Variants in OPHN1 observed in about 807,000 individuals in gnomAD.
OPHN1 encodes oligophrenin-1.
A neutral mutation model predicts 60.7 loss-of-function variants in OPHN1; 11 were observed. That is an observed-to-expected ratio of 0.18 (90% CI 0.11 to 0.30). The LOEUF is 0.30. Ranked by LOEUF, OPHN1 falls within the 10% of genes least tolerant of loss-of-function variation. The pLI is 1.00. For synonymous variants in OPHN1, 226 were observed against 222.6 expected (o/e 1.02, Z -0.14); for missense variants, 449 against 611.0 (o/e 0.73, Z 2.80).
chrX:68,132,843 C>G (rs1192545657), intron 15 of OPHN1: 75 of 260,201 alleles, frequency 2.9e-4, no homozygotes, highest in Non-Finnish European at 7.5e-5. Context: ...AGTCCGCTCC[C>G]GGTCCCTGGC....
At chrX:68,127,459 G>A (rs767724229) in intron 15 of OPHN1, among the ~76,000 whole-genome samples, 1 of 111,770 alleles carries the variant, frequency 8.9e-6, no homozygotes, top group African/African-American at 3.3e-5. Context: ...ATAATGAACA[G>A]GTTGACAGAG....
chrX:68,095,525 G>C (rs2077035195), intron 19 of OPHN1, among the ~76,000 whole-genome samples: 1 of 112,099 alleles, frequency 8.9e-6, no homozygotes, highest in African/African-American at 3.2e-5. Context: ...CTCCCTGGAT[G>C]TCTTTCACAA....
intron 21 of OPHN1, among the ~76,000 whole-genome samples, chrX:68,059,692 G>C (rs1192081041): frequency 9.0e-6 from 1 of 111,511 alleles, no homozygotes; most frequent in Non-Finnish European, 1.9e-5. Context: ...AGAATTAATG[G>C]CTCTGTGACT....
intron 5 of OPHN1, among the ~76,000 whole-genome samples, chrX:68,267,860 C>T (rs1411250837): frequency 4.5e-5 from 5 of 111,316 alleles, no homozygotes; most frequent in Admixed American, 9.6e-5. Context: ...ATATCACCAC[C>T]GATCCCACAG....
chrX:68,320,489 T>C (rs2078230347), intron 2 of OPHN1, among the ~76,000 whole-genome samples: 1 of 111,655 alleles, frequency 9.0e-6, no homozygotes, highest in Non-Finnish European at 1.9e-5. Flanking sequence ...GTTGCAAATG[T>C]AAAATTGTGA....
At chrX:68,230,662 G>A (rs1275244754) in intron 6 of OPHN1, among the ~76,000 whole-genome samples, 2 of 106,603 alleles carry the variant, frequency 1.9e-5, no homozygotes, top group African/African-American at 6.9e-5. Flanking sequence ...ACTATCGCAA[G>A]GACAGAAAAC....
chrX:68,379,296 C>T (rs755870262), intron 2 of OPHN1, among the ~76,000 whole-genome samples: 15 of 111,974 alleles, frequency 1.3e-4, no homozygotes, highest in African/African-American at 4.9e-4. Context: ...TGAGACTTTG[C>T]TGAAGTTGCC....
intron 2 of OPHN1, among the ~76,000 whole-genome samples, chrX:68,333,590 G>A (rs1047230275): frequency 9.1e-6 from 1 of 110,443 alleles, no homozygotes; most frequent in Admixed American, 9.8e-5. Flanking sequence ...AGCTGAAATC[G>A]CACTATTGCA....
At chrX:68,269,207 A>T (rs1242713178) in intron 5 of OPHN1, among the ~76,000 whole-genome samples, 4 of 111,811 alleles carry the variant, frequency 3.6e-5, no homozygotes, top group South Asian at 7.6e-4. Flanking sequence ...AAGCTACCAA[A>T]GACTTTCTTC....
intron 23 of OPHN1, among the ~76,000 whole-genome samples, chrX:68,052,245 G>A (rs760626342): frequency 4.7e-4 from 50 of 105,604 alleles, no homozygotes; most frequent in African/African-American, 1.7e-3. Flanking sequence ...AGCCAAGATC[G>A]TGCCACTGCA....
chrX:68,348,005 G>A (rs964110231), intron 2 of OPHN1, among the ~76,000 whole-genome samples: 10 of 111,885 alleles, frequency 8.9e-5, no homozygotes, highest in African/African-American at 3.2e-4. Context: ...TCCTGATGCT[G>A]CCAATTACCA....
At chrX:68,383,483 A>G (rs1327031273) in intron 2 of OPHN1, among the ~76,000 whole-genome samples, 3 of 106,647 alleles carry the variant, frequency 2.8e-5, no homozygotes, top group Non-Finnish European at 3.9e-5. Context: ...TGTAACCCCA[A>G]CTACTCAGGA....
chrX:68,401,690 T>G (rs1768086560), intron 2 of OPHN1, among the ~76,000 whole-genome samples: 1 of 111,494 alleles, frequency 9.0e-6, no homozygotes, highest in Admixed American at 9.6e-5. Context: ...TGGGGAGATC[T>G]AGGAAGAATG....
rs146348940 is a variant in OPHN1, at chrX:68,088,646, C to T, written c.1686+8224G>A. On this transcript the variant is annotated intron_variant, in intron 19 of 24. Coordinates refer to ENST00000355520, the MANE Select transcript of OPHN1 (RefSeq NM_002547.3). ...CAGAGCTCATCTCCTGTCAATACAG[C>T]AAAGGGGTGGTGGTATAGGGCAGGG... 3.1e-3 allele frequency among the ~76,000 whole-genome samples: 350 copies of T among 111,276 alleles called. 1 individual carries two copies. The highest frequency in any genetic ancestry group is 5.7e-3 in the Non-Finnish European group (301 of 53,010).
intron 16 of OPHN1, among the ~76,000 whole-genome samples, chrX:68,115,316 G>A (rs2147436228): frequency 8.9e-6 from 1 of 112,305 alleles, no homozygotes; most frequent in East Asian, 2.8e-4. Flanking sequence ...AATGTGCAAA[G>A]TGTTTAATAT....
At chrX:68,062,969 C>G (rs2076898489) in intron 21 of OPHN1, among the ~76,000 whole-genome samples, 1 of 111,322 alleles carries the variant, frequency 9.0e-6, no homozygotes, top group East Asian at 2.8e-4. Context: ...AAGTTGTGCC[C>G]CTTTGTCCCT....
chrX:68,432,135 G>A (rs1360296869), intron 2 of OPHN1, among the ~76,000 whole-genome samples: 5 of 110,746 alleles, frequency 4.5e-5, no homozygotes, highest in African/African-American at 9.9e-5. Flanking sequence ...CTGGAAAAGC[G>A]AAGCTAGGTG....
At chrX:68,096,832 T>C (rs373600694) in intron 19 of OPHN1, 38 bp downstream of exon 19, 26 of 1,189,134 alleles carry the variant, frequency 2.2e-5, no homozygotes, top group Non-Finnish European at 2.7e-5. Context: ...AAGTGTCACA[T>C]GTTTGGAAGA....
chrX:68,103,169 C>T (rs1416983941), intron 18 of OPHN1, among the ~76,000 whole-genome samples: 1 of 111,722 alleles, frequency 9.0e-6, no homozygotes, highest in Non-Finnish European at 1.9e-5. Context: ...CATCAAAAAG[C>T]TTATCCACCA....
Sources: allele counts gnomAD v4.1 joint callset (sites outside exome capture counted in the v4.1 genomes callset), GRCh38; gene constraint gnomAD v4.1.1; transcripts MANE v1.5; gene names NCBI Gene and HGNC (gene_info 2026-07-23, HGNC 2026-07-21).